CNDP2: variants seen among roughly 807,000 people sequenced by gnomAD.
CNDP2 encodes the protein carnosine dipeptidase 2, also known as cytosolic non-specific dipeptidase.
CNDP2 carries 38 observed loss-of-function variants against 55.0 expected under a neutral mutation model. That is an observed-to-expected ratio of 0.69 (90% CI 0.53 to 0.90). The LOEUF (loss-of-function observed/expected upper bound fraction) is 0.90, where lower values mean the gene tolerates loss of function less well. Ranked by LOEUF, CNDP2 falls within the 40% of genes least tolerant of loss-of-function variation. CNDP2 has a pLI of 0.00. For synonymous variants in CNDP2, 241 were observed against 260.2 expected (o/e 0.93, Z 0.71); for missense variants, 607 against 621.7 (o/e 0.98, Z 0.25).
At chr18:74,508,416 T>G in intron 4 of CNDP2, 1 of 164,034 alleles carries the variant, frequency 6.1e-6, no homozygotes, top group Non-Finnish European at 1.3e-5. Flanking sequence ...GGTGAGATTA[T>G]GGTTCTTTTT....
At chr18:74,516,639 G>C (rs543344323) in intron 9 of CNDP2, 9 of 465,272 alleles carry the variant, frequency 1.9e-5, no homozygotes, top group Non-Finnish European at 3.4e-5. Flanking sequence ...TCACCTCAAG[G>C]CTCCAGGCCA....
intron 4 of CNDP2, among the ~76,000 whole-genome samples, chr18:74,506,230 G>A (rs1979018088): frequency 6.6e-6 from 1 of 152,158 alleles, no homozygotes; most frequent in Admixed American, 6.5e-5. Flanking sequence ...GCCTCCCGGG[G>A]TTCAAGCGAT....
chr18:74,516,540 C>A, intron 9 of CNDP2, 148 bp downstream of exon 9: 1 of 773,690 alleles, frequency 1.3e-6, no homozygotes, highest in Non-Finnish European at 2.0e-6. Context: ...ATGACAGTCA[C>A]GGTTCAGAAG....
chr18:74,512,849 G>A (rs1979431831), intron 7 of CNDP2, among the ~76,000 whole-genome samples: 1 of 152,118 alleles, frequency 6.6e-6, no homozygotes, highest in Admixed American at 6.5e-5. Flanking sequence ...CCTTTCTCTG[G>A]TGTGGTCATT....
At chr18:74,508,696 G>A in intron 4 of CNDP2, 144 bp from the exon 5 acceptor site, 1 of 637,234 alleles carries the variant, frequency 1.6e-6, no homozygotes, top group Non-Finnish European at 2.8e-6. Flanking sequence ...GATAGTGTTG[G>A]GTGGAAATTG....
At position 74,519,051 on chromosome 18, in the gene CNDP2, G is replaced by T; in HGVS notation, c.1313G>T (p.Gly438Val). 1 of 1,613,718 alleles carries T rather than the reference G, an allele frequency of 6.2e-7. No individual in the cohort carries two copies. Among genetic ancestry groups the T allele is most frequent in the Non-Finnish European group, 8.5e-7 (1 of 1,179,702 alleles). Residue 438 changes from glycine (G) to valine (V), a missense_variant, in exon 11 of 12, where the codon GGG becomes GTG. Physicochemically the swap from Gly to Val is moderately radical, Grantham distance 109. Transcript: ENST00000324262. Reference sequence around the variant, plus strand: ...AAGAACGTCATGCTGCTGCCTGTGGGGTCAGCGGATGACGGAGCCCACTCC... The same window carrying T: ...AAGAACGTCATGCTGCTGCCTGTGGTGTCAGCGGATGACGGAGCCCACTCC... ...TGKNVMLLPV[G>V]SADDGAHSQN...
intron 8 of CNDP2, 46 bp downstream of exon 8, chr18:74,513,765 GAC>G: frequency 1.3e-6 from 2 of 1,590,278 alleles, no homozygotes; most frequent in East Asian, 4.5e-5. Context: ...GCCACGCTGT[GAC>G]ACAGGTGTCC....
Position 74,499,950 on chromosome 18 carries a change from T to G in CNDP2, c.-24T>G. 17 of 1,613,086 alleles carry G rather than the reference T, an allele frequency of 1.1e-5. No individual in the cohort carries two copies. Among genetic ancestry groups the G allele is most frequent in the Non-Finnish European group, 1.4e-5 (17 of 1,179,148 alleles). The stretch of plus-strand genomic sequence containing the variant: ...CTTCCTTCCAAGAACCTTCGAGATC[T>G]GCGGTCTGGGGTCTGGTTGAAAGAT... On this transcript the variant is annotated 5_prime_UTR_variant, in exon 2 of 12. Transcript: ENST00000324262.
chr18:74,504,003 C>A (rs1978864750), intron 3 of CNDP2, among the ~76,000 whole-genome samples: 1 of 148,030 alleles, frequency 6.8e-6, no homozygotes. Flanking sequence ...GGGCGTCAGG[C>A]CATACACTGC....
intron 4 of CNDP2, chr18:74,507,234 C>CAGAA (rs1979079820): frequency 6.6e-6 from 1 of 152,354 alleles, no homozygotes; most frequent in African/African-American, 2.4e-5. Flanking sequence ...TCTCTCTGGA[C>CAGAA]AGAAGTCTTT....
Position 74,523,176 on chromosome 18 carries a change from G to A in CNDP2, c.*3108G>A, listed in dbSNP as rs962580094. On this transcript the variant is annotated 3_prime_UTR_variant, in exon 12 of 12. Transcript: ENST00000324262. Reference sequence around the variant, plus strand: ...ACGTCCAGACTGCTTTATGTTAGAAGCTGAGCTGGCATGCCACTAGCTGGT... The same window carrying A: ...ACGTCCAGACTGCTTTATGTTAGAAACTGAGCTGGCATGCCACTAGCTGGT... 1 of 152,236 alleles carries A rather than the reference G, an allele frequency of 6.6e-6. No individual in the cohort carries two copies. The highest frequency in any genetic ancestry group is 1.5e-5 in the Non-Finnish European group (1 of 68,058). The allele number at this position is 152,236 out of a possible 1,614,324, so 9.4% of individuals were successfully genotyped here. A position where few individuals can be genotyped will look rare whatever the true frequency, so the allele number is the denominator to read the frequency against.
chr18:74,514,835 C>T (rs2144607520), intron 8 of CNDP2, among the ~76,000 whole-genome samples: 1 of 152,308 alleles, frequency 6.6e-6, no homozygotes, highest in East Asian at 1.9e-4. Context: ...CAACTCAGCC[C>T]CTGGGACACA....
intron 8 of CNDP2, among the ~76,000 whole-genome samples, chr18:74,513,973 C>T (rs897665328): frequency 9.2e-5 from 14 of 152,216 alleles, no homozygotes; most frequent in Admixed American, 7.8e-4. Context: ...CTCCTGCTGG[C>T]AGCGGCTCTG....
chr18:74,501,259 C>A (rs112631134), intron 2 of CNDP2, 70 bp from the exon 3 acceptor site: 1 of 1,550,096 alleles, frequency 6.5e-7, no homozygotes, highest in South Asian at 1.2e-5. Flanking sequence ...AATGTGGCAA[C>A]GTTACGGGAG....
chr18:74,506,164 C>CAAAA, intron 4 of CNDP2, 153 bp downstream of exon 4: 1 of 657,950 alleles, frequency 1.5e-6, no homozygotes, highest in Non-Finnish European at 2.1e-6. Context: ...GACAGAGTCT[C>CAAAA]ACTCTGTAGC....
chr18:74,498,566 A>G (rs922880937), intron 1 of CNDP2, among the ~76,000 whole-genome samples: 1 of 152,214 alleles, frequency 6.6e-6, no homozygotes, highest in Non-Finnish European at 1.5e-5. Context: ...TGTGGCATTT[A>G]ATAACCAGGA....
At chr18:74,508,366 C>A (rs1253158814) in intron 4 of CNDP2, 1 of 155,970 alleles carries the variant, frequency 6.4e-6, no homozygotes, top group Non-Finnish European at 1.4e-5. Flanking sequence ...TAAACATGTT[C>A]TTTGTTTTTT....
At chr18:74,516,800 C>T (rs565466937) in intron 9 of CNDP2, 25 of 172,780 alleles carry the variant, frequency 1.4e-4, no homozygotes, top group Middle Eastern at 2.9e-3. Flanking sequence ...GGAGTCTTCC[C>T]ACTGGGAATG....
chr18:74,497,115 C>G (rs1373331105), intron 1 of CNDP2, among the ~76,000 whole-genome samples: 1 of 152,090 alleles, frequency 6.6e-6, no homozygotes, highest in Non-Finnish European at 1.5e-5. Flanking sequence ...ACAGGGCCAC[C>G]AAACCAAACT....
Sources: allele counts gnomAD v4.1 joint callset (sites outside exome capture counted in the v4.1 genomes callset), GRCh38; gene constraint gnomAD v4.1.1; transcripts MANE v1.5; gene names NCBI Gene and HGNC (gene_info 2026-07-23, HGNC 2026-07-21).